Variants in RBFOX1 observed in about 807,000 individuals in gnomAD.
The protein encoded by RBFOX1 is RNA binding protein fox-1 homolog 1.
RBFOX1 carries 8 observed loss-of-function variants against 57.7 expected under a neutral mutation model. The observed-to-expected ratio is 0.14, with a 90% CI of 0.08 to 0.25. The LOEUF (loss-of-function observed/expected upper bound fraction) is 0.25. Among genes scored for constraint, RBFOX1 ranks in the 10% least tolerant of loss-of-function variants. RBFOX1 has a pLI of 1.00. For missense variants in RBFOX1, 611 were observed against 548.5 expected (o/e 1.11, Z -1.14); for synonymous variants, 326 against 222.4 (o/e 1.47, Z -4.15).
intron 3 of RBFOX1, among the ~76,000 whole-genome samples, chr16:6,849,553 C>A (rs988252239): frequency 6.6e-6 from 1 of 152,252 alleles, no homozygotes; most frequent in East Asian, 1.9e-4. Context: ...CCTGTAGTCC[C>A]AGCTACTCCA....
intron 1 of RBFOX1, among the ~76,000 whole-genome samples, chr16:5,365,428 G>T (rs1206850058): frequency 6.6e-6 from 1 of 152,210 alleles, no homozygotes; most frequent in Non-Finnish European, 1.5e-5. Context: ...AGCACTTTGG[G>T]AGGCCAAGGT....
chr16:7,114,881 C>T (rs2151664989), intron 4 of RBFOX1, among the ~76,000 whole-genome samples: 1 of 152,284 alleles, frequency 6.6e-6, no homozygotes, highest in East Asian at 1.9e-4. Flanking sequence ...TGTTGCTTGG[C>T]TTGTCTTAGA....
intron 1 of RBFOX1, among the ~76,000 whole-genome samples, chr16:6,049,851 G>T (rs2343545): frequency 0.2 from 30,051 of 151,676 alleles, 3,676 homozygotes; most frequent in Non-Finnish European, 0.27. Flanking sequence ...TTGATTTTAT[G>T]ATAGTTTGTT....
intron 2 of RBFOX1, among the ~76,000 whole-genome samples, chr16:5,497,397 A>G (rs1463439208): frequency 1.3e-5 from 2 of 151,874 alleles, no homozygotes; most frequent in Non-Finnish European, 2.9e-5. Context: ...GGTTTAGAAA[A>G]TGCTTGTTGA....
intron 4 of RBFOX1, among the ~76,000 whole-genome samples, chr16:7,411,818 A>T (rs1445423374): frequency 6.6e-6 from 1 of 150,776 alleles, no homozygotes; most frequent in Non-Finnish European, 1.5e-5. Flanking sequence ...CAGGAGAATC[A>T]CTTGAACCCA....
intron 2 of RBFOX1, among the ~76,000 whole-genome samples, chr16:6,511,027 G>A (rs1232712747): frequency 6.6e-6 from 1 of 152,158 alleles, no homozygotes; most frequent in Non-Finnish European, 1.5e-5. Context: ...GTTCTGAGGG[G>A]TGTATGTTTA....
At chr16:7,428,621 T>A (rs2098647366) in intron 4 of RBFOX1, among the ~76,000 whole-genome samples, 1 of 151,568 alleles carries the variant, frequency 6.6e-6, no homozygotes, top group South Asian at 2.1e-4. Context: ...TCCACCTGCC[T>A]TGGCCTCCCA....
rs376380220 is a variant in RBFOX1 at position 5,350,770 on chromosome 16, G to T, written c.219+110665G>T. Reference sequence around the variant, plus strand: ...AACCCCAGCTACTCAGGAGACTGAGGCAGGAGAATCACTTGAACCCGGAGG... The same window carrying T: ...AACCCCAGCTACTCAGGAGACTGAGTCAGGAGAATCACTTGAACCCGGAGG... On this transcript the variant is annotated intron_variant, in intron 1 of 2. Coordinates refer to the RBFOX1 transcript ENST00000585867. 5.9e-5 allele frequency among the ~76,000 whole-genome samples: 9 copies of T among 152,304 alleles called. No individual in the cohort carries two copies. In the East Asian group the frequency reaches 1.7e-3, roughly 29 times the overall value.
rs73521179 is a variant in RBFOX1, at chr16:6,295,713, C to A, written c.-126-21282C>A. ...TGTGTGATGCTGAAGGTACCATTAC[C>A]TGCAGCTGTCCTCTTTCCTGAAATG... is the stretch of plus-strand genomic sequence containing the variant. On this transcript the variant is annotated intron_variant, in intron 1 of 15. Coordinates refer to ENST00000550418, the MANE Select transcript of RBFOX1 (RefSeq NM_018723.4). Among the ~76,000 whole-genome samples the A allele has an allele frequency of 2.0e-3, 299 of 152,322 alleles. 1 individual carries two copies. The highest frequency in any genetic ancestry group is 4.5e-3 in the African/African-American group (186 of 41,574).
chr16:7,198,094 C>T (rs928580545), intron 4 of RBFOX1, among the ~76,000 whole-genome samples: 1 of 148,894 alleles, frequency 6.7e-6, no homozygotes, highest in Non-Finnish European at 1.5e-5. Flanking sequence ...CAAGCTCCAC[C>T]TCCTGGGTTC....
intron 4 of RBFOX1, among the ~76,000 whole-genome samples, chr16:7,298,497 G>A (rs982228514): frequency 6.6e-6 from 1 of 151,842 alleles, no homozygotes; most frequent in Non-Finnish European, 1.5e-5. Context: ...TCACCATCTT[G>A]GCCAGTCTCA....
chr16:5,987,129 G>T (rs2060300359), intron 4 of RBFOX1, among the ~76,000 whole-genome samples: 1 of 152,182 alleles, frequency 6.6e-6, no homozygotes, highest in African/African-American at 2.4e-5. Context: ...GGCTAATGAT[G>T]TCGAATACGT....
At chr16:7,699,461 C>T (rs189814583) in intron 14 of RBFOX1, among the ~76,000 whole-genome samples, 5 of 152,202 alleles carry the variant, frequency 3.3e-5, no homozygotes, top group East Asian at 3.9e-4. Flanking sequence ...CAAAGTCCTG[C>T]GAGTACAGGC....
chr16:6,118,673 CTTCTTCCTTCCTTCCT>C (rs1597464238), intron 1 of RBFOX1, among the ~76,000 whole-genome samples: 3 of 149,238 alleles, frequency 2.0e-5, no homozygotes, highest in East Asian at 3.9e-4. Context: ...TCCTTCCTTC[CTTCTTCCTTCCTTCCT>C]TTCTTCCTTC....
intron 3 of RBFOX1, among the ~76,000 whole-genome samples, chr16:5,625,174 A>G (rs1199963773): frequency 6.6e-6 from 1 of 152,174 alleles, no homozygotes; most frequent in Non-Finnish European, 1.5e-5. Flanking sequence ...GTCATTGGCT[A>G]GGCTTTACTG....
chr16:6,863,788 C>G (rs1016607592), intron 3 of RBFOX1, among the ~76,000 whole-genome samples: 1 of 125,200 alleles, frequency 8.0e-6, no homozygotes, highest in Non-Finnish European at 1.6e-5. Flanking sequence ...AGGTAATAAA[C>G]CTTGTGATAC....
intron 3 of RBFOX1, among the ~76,000 whole-genome samples, chr16:5,844,964 G>T (rs1189299651): frequency 2.0e-5 from 3 of 152,044 alleles, no homozygotes; most frequent in Non-Finnish European, 4.4e-5. Context: ...AGCAGGAATT[G>T]TGAGGCATTC....
chr16:6,201,853 C>G (rs1325101304), intron 1 of RBFOX1, among the ~76,000 whole-genome samples: 1 of 152,114 alleles, frequency 6.6e-6, no homozygotes, highest in Non-Finnish European at 1.5e-5. Context: ...TTGTTCCATA[C>G]TCTGTCAACT....
chr16:5,858,670 G>A (rs2057132395), intron 3 of RBFOX1, among the ~76,000 whole-genome samples: 1 of 152,222 alleles, frequency 6.6e-6, no homozygotes, highest in Non-Finnish European at 1.5e-5. Flanking sequence ...GTTATTAAGA[G>A]AAACCTTGTG....
Sources: gnomAD v4.1 joint callset for allele counts (sites outside exome capture counted in the v4.1 genomes callset) on GRCh38, gnomAD v4.1.1 for gene constraint, MANE v1.5 for transcripts, NCBI Gene and HGNC (gene_info 2026-07-23, HGNC 2026-07-21) for gene names.